The following MRPS6 variants were observed in gnomAD, a reference collection of about 807,000 sequenced individuals.
MRPS6 encodes the protein mitochondrial ribosomal protein S6, also known as small ribosomal subunit protein bS6m.
MRPS6 carries 6 observed loss-of-function variants against 13.1 expected under a neutral mutation model. The ratio of observed to expected loss-of-function variants is 0.46; its 90% CI spans 0.25 to 0.91. The LOEUF is 0.91. MRPS6 is among the 40% of genes least tolerant of loss of function. The pLI is 0.18. For synonymous variants in MRPS6, 61 were observed against 56.5 expected (o/e 1.08, Z -0.36); for missense variants, 164 against 155.6 (o/e 1.05, Z -0.29).
At chr21:34,093,796 A>G (rs1315295420) in intron 1 of MRPS6, among the ~76,000 whole-genome samples, 1 of 152,206 alleles carries the variant, frequency 6.6e-6, no homozygotes, top group Non-Finnish European at 1.5e-5. Context: ...AATTTTAGGT[A>G]TATTTAAATG....
At chr21:34,134,804 G>T (rs908951595) in intron 2 of MRPS6, among the ~76,000 whole-genome samples, 1 of 152,056 alleles carries the variant, frequency 6.6e-6, no homozygotes. Flanking sequence ...TCTCAGTAAA[G>T]TATTCCGTAA....
intron 2 of MRPS6, among the ~76,000 whole-genome samples, chr21:34,126,815 G>GT (rs1980322330): frequency 6.6e-6 from 1 of 152,180 alleles, no homozygotes; most frequent in South Asian, 2.1e-4. Flanking sequence ...ATTTGACTTT[G>GT]TTGAGAGTTG....
intron 1 of MRPS6, among the ~76,000 whole-genome samples, chr21:34,091,959 T>C (rs1215847559): frequency 6.6e-6 from 1 of 152,088 alleles, no homozygotes; most frequent in African/African-American, 2.4e-5. Flanking sequence ...TTTGCGTGAA[T>C]GATGAACTGT....
chr21:34,103,763 G>A (rs1438823737), intron 1 of MRPS6: 3 of 999,776 alleles, frequency 3.0e-6, no homozygotes, highest in Non-Finnish European at 3.6e-6. Context: ...GGGACCCAAA[G>A]GAATAATCTC....
intron 1 of MRPS6, among the ~76,000 whole-genome samples, chr21:34,080,660 C>T (rs1989438050): frequency 6.6e-6 from 1 of 152,210 alleles, no homozygotes; most frequent in African/African-American, 2.4e-5. Context: ...ACATGGATCA[C>T]TTTCTACTTT....
chr21:34,102,066 G>A (rs577178531), intron 1 of MRPS6: 10 of 999,948 alleles, frequency 1.0e-5, no homozygotes, highest in East Asian at 1.1e-4. Context: ...GTAATCTTTC[G>A]ATTGCTAGAC....
chr21:34,127,057 A>C (rs554079898), intron 2 of MRPS6, among the ~76,000 whole-genome samples: 10 of 152,168 alleles, frequency 6.6e-5, no homozygotes, highest in Admixed American at 6.5e-4. Context: ...CACTAGCCCT[A>C]CTTCTGGGTT....
At chr21:34,103,789 C>T (rs1255578876) in intron 1 of MRPS6, 27 of 999,866 alleles carry the variant, frequency 2.7e-5, no homozygotes, top group Non-Finnish European at 3.1e-5. Context: ...GTTTGTACCA[C>T]ATTGATGGAG....
intron 2 of MRPS6, among the ~76,000 whole-genome samples, chr21:34,142,041 A>C (rs1980924149): frequency 6.6e-6 from 1 of 152,218 alleles, no homozygotes; most frequent in Admixed American, 6.5e-5. Flanking sequence ...CACACACACA[A>C]CATTAATGAA....
intron 1 of MRPS6, among the ~76,000 whole-genome samples, chr21:34,121,362 C>G (rs1035022804): frequency 6.6e-6 from 1 of 152,256 alleles, no homozygotes; most frequent in Middle Eastern, 3.4e-3. Flanking sequence ...GATGAGGAAA[C>G]TGAGGTACAA....
chr21:34,098,420 T>G, intron 1 of MRPS6: 4 of 1,000,246 alleles, frequency 4.0e-6, no homozygotes, highest in Non-Finnish European at 4.8e-6. Flanking sequence ...GAGGGAAAAT[T>G]TAATTCTGAT....
chr21:34,101,403 G>A, intron 1 of MRPS6: 2 of 1,000,168 alleles, frequency 2.0e-6, no homozygotes, highest in Non-Finnish European at 2.4e-6. Flanking sequence ...GTAGAAAAAT[G>A]CTTTGAGGCT....
chr21:34,125,499 T>C lies in MRPS6; in HGVS notation c.185+19T>C, dbSNP rs111648311. On this transcript the variant is annotated intron_variant, in intron 2 of 2. Transcript: ENST00000399312. ...GAGGCGGGTAAGTTTCTTCATGAAGTCTTGAAAGACGTTTTTGATAGGCTC... is the reference window on the plus strand; with the variant it reads ...GAGGCGGGTAAGTTTCTTCATGAAGCCTTGAAAGACGTTTTTGATAGGCTC... 3 of 1,611,436 alleles carry C rather than the reference T, an allele frequency of 1.9e-6. No individual in the cohort carries two copies. The highest frequency in any genetic ancestry group is 3.4e-5 in the Admixed American group (2 of 59,374).
At chr21:34,141,041 C>G (rs1045768156) in intron 2 of MRPS6, among the ~76,000 whole-genome samples, 1 of 152,172 alleles carries the variant, frequency 6.6e-6, no homozygotes, top group African/African-American at 2.4e-5. Flanking sequence ...ACACAAAATG[C>G]CATCCCTTTT....
At chr21:34,081,996 A>G (rs1042078159) in intron 1 of MRPS6, among the ~76,000 whole-genome samples, 3 of 150,914 alleles carry the variant, frequency 2.0e-5, no homozygotes, top group Non-Finnish European at 4.4e-5. Flanking sequence ...TGGTTTTGCC[A>G]GCTTTTTTTT....
intron 1 of MRPS6, among the ~76,000 whole-genome samples, chr21:34,074,124 C>T (rs1308667070): frequency 2.0e-5 from 3 of 148,466 alleles, no homozygotes; most frequent in Non-Finnish European, 4.5e-5. Flanking sequence ...GACTCCGGCC[C>T]GTCCCCGCCA....
At chr21:34,135,637 T>C (rs1980668824) in intron 2 of MRPS6, 1 of 379,354 alleles carries the variant, frequency 2.6e-6, no homozygotes, top group Non-Finnish European at 5.2e-6. Context: ...GTCCACAGCC[T>C]GTCATCTCAC....
intron 1 of MRPS6, chr21:34,104,587 T>G (rs1403084768): frequency 1.0e-6 from 1 of 999,956 alleles, no homozygotes; most frequent in Admixed American, 6.2e-5. Flanking sequence ...ATGAGATGTT[T>G]TAGAAGAGTT....
intron 2 of MRPS6, among the ~76,000 whole-genome samples, chr21:34,130,887 GATTCTATA>G (rs1052854407): frequency 1.3e-5 from 2 of 151,978 alleles, no homozygotes; most frequent in African/African-American, 4.8e-5. Flanking sequence ...TAGAAGTGGT[GATTCTATA>G]ATTAGCACCA....
Sources: gnomAD v4.1 joint callset for allele counts (sites outside exome capture counted in the v4.1 genomes callset) on GRCh38, gnomAD v4.1.1 for gene constraint, MANE v1.5 for transcripts, NCBI Gene and HGNC (gene_info 2026-07-23, HGNC 2026-07-21) for gene names.